Variants in NRG3 observed in about 807,000 individuals in gnomAD.
NRG3 encodes neuregulin 3.
In NRG3, 31 loss-of-function variants were observed where a neutral mutation model predicts 66.9. The observed-to-expected ratio is 0.46, with a 90% CI of 0.35 to 0.63. NRG3 has a LOEUF of 0.63. NRG3 is among the 20% of genes least tolerant of loss of function. The pLI, the probability that NRG3 is intolerant of heterozygous loss-of-function variation, is 0.00. For synonymous variants in NRG3, 393 were observed against 359.4 expected (o/e 1.09, Z -1.06); for missense variants, 910 against 878.9 (o/e 1.04, Z -0.45).
intron 1 of NRG3, among the ~76,000 whole-genome samples, chr10:81,929,938 A>C (rs1847179563): frequency 6.6e-6 from 1 of 152,202 alleles, no homozygotes; most frequent in Admixed American, 6.5e-5. Context: ...CTCGGTAATC[A>C]GGCCAGGTTT....
intron 1 of NRG3, among the ~76,000 whole-genome samples, chr10:82,054,932 A>G (rs7092337): frequency 0.24 from 36,577 of 151,800 alleles, 4,528 homozygotes; most frequent in Middle Eastern, 0.33. Flanking sequence ...CATGTGAAAT[A>G]TAACGGGAAG....
intron 2 of NRG3, among the ~76,000 whole-genome samples, chr10:82,497,401 C>T (rs1843721515): frequency 6.6e-6 from 1 of 152,124 alleles, no homozygotes; most frequent in African/African-American, 2.4e-5. Context: ...CCAGAATAAT[C>T]ACCATTCTAC....
rs569396059 is a variant in NRG3 at position 82,300,943 on chromosome 10, C to A, written c.824-57796C>A. 9.3e-4 allele frequency among the ~76,000 whole-genome samples: 142 copies of A among 151,934 alleles called. 1 individual carries two copies. The highest frequency in any genetic ancestry group is 3.4e-3 in the African/African-American group (139 of 41,446). ...CCCAGGAGCTCAAATTCAGCCTGGG[C>A]AACCTACCAAGACCCCCATCTTTAA... On this transcript the variant is annotated intron_variant, in intron 1 of 8. Transcript: ENST00000372141.
intron 1 of NRG3, among the ~76,000 whole-genome samples, chr10:82,266,904 T>C (rs1295829545): frequency 2.0e-5 from 3 of 152,224 alleles, no homozygotes; most frequent in Non-Finnish European, 1.5e-5. Context: ...TTTGCTTTTA[T>C]GAACTTACCA....
intron 1 of NRG3, among the ~76,000 whole-genome samples, chr10:82,229,947 T>A (rs192412531): frequency 1.4e-4 from 22 of 151,736 alleles, no homozygotes; most frequent in Non-Finnish European, 4.4e-5. Context: ...AAATTAACAG[T>A]GAGTTAAAAC....
intron 3 of NRG3, among the ~76,000 whole-genome samples, chr10:82,761,907 C>CTTCTTTCTTTCTTTCTCTTTCTTTCT (rs1565286892): frequency 7.6e-6 from 1 of 131,538 alleles, no homozygotes; most frequent in Non-Finnish European, 1.7e-5. Context: ...TCCGTTCTTT[C>CTTCTTTCTTTCTTTCTCTTTCTTTCT]TTCTTTCTTT....
At chr10:82,304,732 A>C (rs2080612492) in intron 1 of NRG3, among the ~76,000 whole-genome samples, 1 of 152,052 alleles carries the variant, frequency 6.6e-6, no homozygotes, top group South Asian at 2.1e-4. Context: ...ATTCCCTACC[A>C]TCTTTCTTTT....
intron 1 of NRG3, among the ~76,000 whole-genome samples, chr10:82,220,102 A>G (rs961501606): frequency 1.3e-5 from 2 of 152,022 alleles, no homozygotes; most frequent in Admixed American, 6.6e-5. Flanking sequence ...TTAAAGTGAG[A>G]TAATCATTTT....
chr10:82,425,810 T>C (rs1259794767), intron 2 of NRG3, among the ~76,000 whole-genome samples: 1 of 152,180 alleles, frequency 6.6e-6, no homozygotes, highest in Non-Finnish European at 1.5e-5. Context: ...CCTGTTGTCT[T>C]TGGGTTCTCC....
chr10:81,979,725 G>A (rs2060265192), intron 1 of NRG3, among the ~76,000 whole-genome samples: 1 of 152,116 alleles, frequency 6.6e-6, no homozygotes, highest in Non-Finnish European at 1.5e-5. Flanking sequence ...AACACACACA[G>A]GAGCCACATT....
intron 1 of NRG3, among the ~76,000 whole-genome samples, chr10:82,225,732 C>T (rs1394425358): frequency 6.6e-6 from 1 of 152,102 alleles, no homozygotes; most frequent in Non-Finnish European, 1.5e-5. Flanking sequence ...TAGGATATTC[C>T]TCAGGTTTGG....
chr10:82,133,387 A>C (rs2434065), intron 1 of NRG3, among the ~76,000 whole-genome samples: 102,417 of 151,966 alleles, frequency 0.67, 35,994 homozygotes, highest in Non-Finnish European at 0.8. Flanking sequence ...CAATAGTTAT[A>C]TTTTCTGTTC....
At chr10:82,472,517 T>C (rs146527945) in intron 2 of NRG3, among the ~76,000 whole-genome samples, 1 of 152,362 alleles carries the variant, frequency 6.6e-6, no homozygotes, top group African/African-American at 2.4e-5. Flanking sequence ...TACAATATTT[T>C]CAAATGGGTT....
intron 2 of NRG3, among the ~76,000 whole-genome samples, chr10:82,611,638 T>C (rs2048323051): frequency 6.6e-6 from 1 of 152,238 alleles, no homozygotes; most frequent in Non-Finnish European, 1.5e-5. Flanking sequence ...ATGGTGTATA[T>C]GTGCCACATT....
intron 1 of NRG3, among the ~76,000 whole-genome samples, chr10:82,331,921 C>T (rs917091081): frequency 5.3e-5 from 8 of 152,196 alleles, no homozygotes; most frequent in Non-Finnish European, 1.0e-4. Flanking sequence ...TGTGCATGAG[C>T]GAGAGCAGAG....
intron 4 of NRG3, among the ~76,000 whole-genome samples, chr10:82,895,057 T>C (rs537608961): frequency 2.0e-5 from 3 of 152,338 alleles, no homozygotes; most frequent in Non-Finnish European, 1.5e-5. Flanking sequence ...TCCGTGTGCC[T>C]GCAAAGGACA....
At chr10:82,983,512 C>G (rs1298024022) in intron 8 of NRG3, among the ~76,000 whole-genome samples, 1 of 152,102 alleles carries the variant, frequency 6.6e-6, no homozygotes, top group African/African-American at 2.4e-5. Flanking sequence ...CATTAGCAAC[C>G]TCTAACATTG....
chr10:82,733,546 A>G (rs1464970599), intron 2 of NRG3, among the ~76,000 whole-genome samples: 2 of 152,204 alleles, frequency 1.3e-5, no homozygotes, highest in African/African-American at 2.4e-5. Flanking sequence ...TGGGCTATCT[A>G]TGTAGATAAT....
chr10:82,115,686 G>A (rs1318339442), intron 1 of NRG3, among the ~76,000 whole-genome samples: 2 of 152,082 alleles, frequency 1.3e-5, no homozygotes, highest in Non-Finnish European at 2.9e-5. Context: ...TCCTGAAAGG[G>A]AAAAATGGGC....
Sources: gnomAD v4.1 joint callset for allele counts (sites outside exome capture counted in the v4.1 genomes callset) on GRCh38, gnomAD v4.1.1 for gene constraint, MANE v1.5 for transcripts, NCBI Gene and HGNC (gene_info 2026-07-23, HGNC 2026-07-21) for gene names.